The following SCG5 variants were observed in gnomAD, a reference collection of about 807,000 sequenced individuals.
The protein encoded by SCG5 is secretogranin V, also known as neuroendocrine protein 7B2.
A neutral mutation model predicts 25.7 loss-of-function variants in SCG5; 18 were observed. The ratio of observed to expected loss-of-function variants is 0.70; its 90% CI spans 0.48 to 1.04. The LOEUF (loss-of-function observed/expected upper bound fraction) is 1.04. SCG5 is among the 50% of genes least tolerant of loss of function. SCG5 has a pLI of 0.00. For synonymous variants in SCG5, 101 were observed against 91.7 expected (o/e 1.10, Z -0.58); for missense variants, 206 against 259.8 (o/e 0.79, Z 1.42).
chr15:32,679,464 G>A (rs965198594), intron 2 of SCG5, among the ~76,000 whole-genome samples: 9 of 151,950 alleles, frequency 5.9e-5, no homozygotes, highest in African/African-American at 1.9e-4. Context: ...GCTTCGCAAA[G>A]TGCTGCAATG....
intron 2 of SCG5, among the ~76,000 whole-genome samples, chr15:32,652,142 G>C (rs1427171370): frequency 6.6e-6 from 1 of 152,208 alleles, no homozygotes; most frequent in Non-Finnish European, 1.5e-5. Flanking sequence ...ACCACTGTCA[G>C]GATCAGCAGA....
At chr15:32,658,422 G>C (rs1471555574) in intron 2 of SCG5, among the ~76,000 whole-genome samples, 2 of 152,174 alleles carry the variant, frequency 1.3e-5, no homozygotes, top group African/African-American at 4.8e-5. Context: ...GTAGGATGTA[G>C]ATGATAAAGA....
chr15:32,643,968 C>T, intron 2 of SCG5, 150 bp downstream of exon 2: 1 of 664,678 alleles, frequency 1.5e-6, no homozygotes, highest in Non-Finnish European at 2.5e-6. Flanking sequence ...TCTACTTTCT[C>T]ATGGTTTTCC....
At chr15:32,654,268 TC>T (rs2054077945) in intron 2 of SCG5, among the ~76,000 whole-genome samples, 1 of 152,236 alleles carries the variant, frequency 6.6e-6, no homozygotes, top group African/African-American at 2.4e-5. Flanking sequence ...GCTGGCAGAT[TC>T]CGTGCCTGGG....
chr15:32,657,211 A>ATATG (rs1555433850), intron 2 of SCG5, among the ~76,000 whole-genome samples: 1 of 102,468 alleles, frequency 9.8e-6, no homozygotes, highest in African/African-American at 3.4e-5. Context: ...ATATATATAT[A>ATATG]TGTATGTATT....
At chr15:32,661,538 T>C (rs2140525303) in intron 2 of SCG5, among the ~76,000 whole-genome samples, 1 of 152,272 alleles carries the variant, frequency 6.6e-6, no homozygotes, top group South Asian at 2.1e-4. Flanking sequence ...GAGAATCACT[T>C]GAACCCGGGA....
chr15:32,666,411 A>C (rs1038085782), intron 2 of SCG5: 1 of 152,226 alleles, frequency 6.6e-6, no homozygotes, highest in Non-Finnish European at 1.5e-5. Flanking sequence ...GTGACTATCC[A>C]GTTTTCCAAT....
chr15:32,674,226 G>A (rs2140558728), intron 2 of SCG5, among the ~76,000 whole-genome samples: 1 of 152,204 alleles, frequency 6.6e-6, no homozygotes, highest in East Asian at 1.9e-4. Context: ...ATCTTAAACC[G>A]ATGCTTCAGT....
In SCG5 at chr15:32,676,729, C is replaced by T. The variant is rs16964893; in HGVS notation, c.227-3037C>T. The stretch of plus-strand genomic sequence containing the variant: ...GATAATCAAAGATTTACCAATTAAA[C>T]ACAAATCAACAGAGTGAGAGTGGCA... On this transcript the variant is annotated intron_variant, in intron 2 of 5. Transcript: ENST00000300175. 0.011 allele frequency among the ~76,000 whole-genome samples: 1,703 copies of T among 152,274 alleles called. 69 individuals are homozygous for T. In the East Asian group the frequency reaches 0.12, roughly 11 times the overall value.
intron 3 of SCG5, among the ~76,000 whole-genome samples, chr15:32,681,545 A>G (rs1266857997): frequency 1.3e-5 from 2 of 149,288 alleles, no homozygotes; most frequent in Non-Finnish European, 3.0e-5. Context: ...GTAGTGGCAC[A>G]ATTATAGTAA....
chr15:32,663,220 G>A (rs55768164), intron 2 of SCG5, among the ~76,000 whole-genome samples: 30,091 of 150,776 alleles, frequency 0.2, 3,096 homozygotes, highest in Admixed American at 0.23. Flanking sequence ...AATGGTTTTT[G>A]GTATATTCAC....
chr15:32,654,111 AAG>A (rs1347976586), intron 2 of SCG5, among the ~76,000 whole-genome samples: 2 of 152,210 alleles, frequency 1.3e-5, no homozygotes, highest in African/African-American at 4.8e-5. Flanking sequence ...GATGTGGAAA[AAG>A]AAACTCAGAG....
chr15:32,683,190 G>A (rs1048676080), intron 3 of SCG5, among the ~76,000 whole-genome samples: 1 of 152,236 alleles, frequency 6.6e-6, no homozygotes, highest in Non-Finnish European at 1.5e-5. Context: ...AGAGCTGAGA[G>A]ACTGTGTACT....
At chr15:32,665,925 A>T (rs1319529883) in intron 2 of SCG5, 1 of 152,246 alleles carries the variant, frequency 6.6e-6, no homozygotes, top group East Asian at 1.9e-4. Context: ...ATCCTAAGAA[A>T]AAATAAACAA....
intron 2 of SCG5, chr15:32,656,091 T>C (rs139101779): frequency 6.6e-6 from 1 of 152,352 alleles, no homozygotes; most frequent in African/African-American, 2.4e-5. Flanking sequence ...AACCTTTCCA[T>C]TGACCACTAA....
At chr15:32,686,744 T>C (rs765039046) in intron 4 of SCG5, among the ~76,000 whole-genome samples, 1 of 152,202 alleles carries the variant, frequency 6.6e-6, no homozygotes, top group Non-Finnish European at 1.5e-5. Context: ...TTCCAGGCAC[T>C]GTGCTAGATG....
intron 2 of SCG5, among the ~76,000 whole-genome samples, chr15:32,679,136 T>G (rs2054574009): frequency 6.6e-6 from 1 of 152,082 alleles, no homozygotes; most frequent in Non-Finnish European, 1.5e-5. Flanking sequence ...AGTTTCCAGC[T>G]TTTCCAAGAA....
At chr15:32,642,177 G>A (rs770112809) in intron 1 of SCG5, among the ~76,000 whole-genome samples, 79 of 152,114 alleles carry the variant, frequency 5.2e-4, no homozygotes, top group Non-Finnish European at 9.7e-4. Flanking sequence ...AAAGAAATTG[G>A]AGGGTATAAA....
rs763651303 is a variant in SCG5 at position 32,643,683 on chromosome 15, A to G, written c.91A>G (p.Thr31Ala). 13 of 1,613,576 alleles carry G rather than the reference A, an allele frequency of 8.1e-6. No individual in the cohort carries two copies. The highest frequency in any genetic ancestry group is 1.1e-5 in the Non-Finnish European group (13 of 1,179,768). The change falls in exon 2 of 6, where the codon ACC (threonine) becomes GCC (alanine). Residue 31 changes from threonine (T) to alanine (A), a missense_variant. Coordinates refer to ENST00000300175, the MANE Select transcript of SCG5 (RefSeq NM_001144757.3). ...WTPAFAYSPR[T>A]PDRVSEADIQ... Reference sequence around the variant, plus strand: ...TCCAGCATTTGCTTACAGCCCCCGGACCCCTGACCGGGTCTCAGAAGCAGA... The same window carrying G: ...TCCAGCATTTGCTTACAGCCCCCGGGCCCCTGACCGGGTCTCAGAAGCAGA...
Sources: gnomAD v4.1 joint callset for allele counts (sites outside exome capture counted in the v4.1 genomes callset) on GRCh38, gnomAD v4.1.1 for gene constraint, MANE v1.5 for transcripts, NCBI Gene and HGNC (gene_info 2026-07-23, HGNC 2026-07-21) for gene names.